Variants in INMT observed in about 807,000 individuals in gnomAD.
INMT encodes the protein indolethylamine N-methyltransferase.
A neutral mutation model predicts 11.5 loss-of-function variants in INMT; 11 were observed. The observed-to-expected ratio is 0.95, with a 90% confidence interval of 0.60 to 1.58. The LOEUF (loss-of-function observed/expected upper bound fraction) is 1.58, where lower values mean the gene tolerates loss of function less well. INMT is among the 40% of genes most tolerant of loss of function. INMT has a pLI of 0.00. For missense variants in INMT, 316 were observed against 336.1 expected, an observed-to-expected ratio of 0.94 and a Z score of 0.47; for synonymous variants, 155 against 142.9, an observed-to-expected ratio of 1.08 and a Z score of -0.60.
Position 30,754,636 on chromosome 7 carries a change from T to TATCC in INMT, c.362+737_362+740dup, listed in dbSNP as rs58315408. 0.073 allele frequency among the ~76,000 whole-genome samples: 10,598 copies of TATCC among 144,542 alleles called. 470 individuals carry two copies. The highest frequency in any genetic ancestry group is 0.17 in the South Asian group (734 of 4,262). The allele number at this position is 144,542 out of a possible 152,430, so 94.8% of individuals were successfully genotyped here. On this transcript the variant is annotated intron_variant, in intron 2 of 2. Coordinates refer to ENST00000013222, the MANE Select transcript of INMT (RefSeq NM_006774.5). This position sits in a 1 kb window ranked among gnomAD's most constrained non-coding sequence, Gnocchi z 4.9. ...ATCCACCCATCCATCCATATCCATC[T>TATCC]ATCCATCCATCCATCCATCCATCCA...
In INMT at chr7:30,753,773, C is replaced by T. The variant is rs757385464; in HGVS notation, c.197C>T (p.Pro66Leu). ...ACGCTGATTGACATTGGCTCAGGTC[C>T]TACCATCTACCAAGTTCTTGCTGCC... Reference protein sequence around the residue: ...GDTLIDIGSGPTIYQVLAACD... With the variant: ...GDTLIDIGSGLTIYQVLAACD... Residue 66 changes from proline to leucine, a missense_variant, in exon 2 of 3, where the codon CCT becomes CTT. Physicochemically the swap from Pro to Leu is moderately conservative, Grantham distance 98 (BLOSUM62 -3). Transcript: ENST00000013222. 29 of 1,614,194 alleles carry T rather than the reference C, an allele frequency of 1.8e-5. No homozygotes were observed. In the African/African-American group the frequency reaches 3.3e-4, roughly 19 times the overall value.
rs1333108808 is a variant in INMT at position 30,755,515 on chromosome 7, T to G, written c.456T>G (p.Ala152=). 6.2e-7 allele frequency: 1 copy of G among 1,608,654 alleles called. No individual in the cohort carries two copies. The highest frequency in any genetic ancestry group is 8.5e-7 in the Non-Finnish European group (1 of 1,179,986). The change falls in exon 3 of 3, where the codon GCT becomes GCG. Residue 152 remains alanine, a synonymous_variant. Transcript: ENST00000013222. ...DVHLGNPLAP[A]VLPLADCVLT... Reference sequence around the variant, plus strand: ...ACCTGGGCAACCCGCTGGCCCCGGCTGTGTTGCCTCTCGCCGACTGTGTGC... The same window carrying G: ...ACCTGGGCAACCCGCTGGCCCCGGCGGTGTTGCCTCTCGCCGACTGTGTGC...
In INMT at chr7:30,753,221, C is replaced by A. The variant is rs545819159; in HGVS notation, c.155-510C>A. Among the ~76,000 whole-genome samples the A allele has an allele frequency of 3.3e-5, 5 of 152,316 alleles. No individual in the cohort carries two copies. The South Asian group carries it at 8.3e-4, about 25-fold the overall frequency. ...ATCTCCTTAGCCCCGGCTTCCTATT[C>A]CTGTATGCTTTCACCCCTCCCTCCT... On this transcript the variant is annotated intron_variant, in intron 1 of 2. Transcript: ENST00000013222.
chr7:30,753,749 C>A lies in INMT; in HGVS notation c.173C>A (p.Thr58Lys), dbSNP rs149212813. ...TFGPGGLQGD[T>K]LIDIGSGPTI... ...CCCACAGGAGGCCTCCAAGGGGACA[C>A]GCTGATTGACATTGGCTCAGGTCCT... Residue 58 changes from threonine (T) to lysine (K), a missense_variant, in exon 2 of 3, where the codon ACG becomes AAG. Transcript: ENST00000013222. The A allele has an allele frequency of 9.9e-6, 16 of 1,614,154 alleles. No homozygotes were observed. The South Asian group carries it at 1.5e-4, about 16-fold the overall frequency.
rs774371694 is a variant in INMT, at chr7:30,755,591, G to A, written c.532G>A (p.Ala178Thr). ...CTGCTGTAGCCTTGATGCCTACCGC[G>A]CTGCCCTGTGCAACCTTGCCTCACT... ...CACCSLDAYR[A>T]ALCNLASLLK... The change falls in exon 3 of 3, where the codon GCT (alanine) becomes ACT (threonine). Residue 178 changes from alanine (A) to threonine (T), a missense_variant. Physicochemically the swap from Ala to Thr is moderately conservative, Grantham distance 58. Coordinates refer to ENST00000013222, the MANE Select transcript of INMT (RefSeq NM_006774.5). 7.4e-6 allele frequency: 12 copies of A among 1,613,922 alleles called. No individual in the cohort carries two copies. The highest frequency in any genetic ancestry group is 4.0e-5 in the African/African-American group (3 of 74,936).
chr7:30,755,632 C>T lies in INMT; in HGVS notation c.573C>T (p.Gly191=). Residue 191 remains glycine, a synonymous_variant, in exon 3 of 3, where the codon GGC becomes GGT. Transcript: ENST00000013222. ...TTGCCTCACTGCTCAAGCCGGGTGG[C>T]CACCTGGTGACCACTGTCACGCTTC... The part of the protein sequence containing the change: ...CNLASLLKPG[G]HLVTTVTLRL... 1 of 1,614,242 alleles carries T rather than the reference C, an allele frequency of 6.2e-7. No individual in the cohort carries two copies. Among genetic ancestry groups the T allele is most frequent in the Non-Finnish European group, 8.5e-7 (1 of 1,180,046 alleles).
rs756767805 is a variant in INMT, at chr7:30,755,393, C to G, written c.363-29C>G. ...GAGTTCCCTTCAGAACCTCAAAGGG[C>G]CTCCCCGACTCCCTCTCTCTCTCTG... On this transcript the variant is annotated intron_variant, in intron 2 of 2. Coordinates refer to ENST00000013222, the MANE Select transcript of INMT (RefSeq NM_006774.5). The G allele has an allele frequency of 3.9e-6, 6 of 1,525,718 alleles. No homozygotes were observed. The African/African-American group carries it at 4.1e-5, about 10-fold the overall frequency. The allele number at this position is 1,525,718 out of a possible 1,614,324, so 94.5% of individuals were successfully genotyped here. A position where few individuals can be genotyped will look rare whatever the true frequency, so the allele number is the denominator to read the frequency against.
intron 1 of INMT, 135 bp from the exon 2 acceptor site, chr7:30,753,596 A>G (rs1428649456): frequency 5.3e-6 from 4 of 758,130 alleles, no homozygotes; most frequent in African/African-American, 1.7e-5. Context: ...CTTGGCTTAC[A>G]GGGAGCTGCC....
chr7:30,755,383 C>T (rs1417734309), intron 2 of INMT, 39 bp from the exon 3 acceptor site: 2 of 1,501,048 alleles, frequency 1.3e-6, no homozygotes, highest in Non-Finnish European at 1.8e-6. Context: ...CCCTTCAGAA[C>T]CTCAAAGGGC....
chr7:30,752,880 C>T (rs761401723), intron 1 of INMT, among the ~76,000 whole-genome samples: 1 of 152,320 alleles, frequency 6.6e-6, no homozygotes, highest in Non-Finnish European at 1.5e-5. Flanking sequence ...CTGCCCTCCC[C>T]ATGGTGACCC....
chr7:30,755,430 G>GGGAGGAGAA lies in INMT; in HGVS notation c.382_390dup (p.Glu128_Lys130dup), dbSNP rs756386482. On this transcript the variant is annotated inframe_insertion, in exon 3 of 3. Coordinates refer to ENST00000013222, the MANE Select transcript of INMT (RefSeq NM_006774.5). ...CCTCTCTCTCTCTGCAGCGGCCGAT[G>GGGAGGAGAA]GGAGGAGAAGGAGGAGAAGCTGCGG... The GGGAGGAGAA allele has an allele frequency of 2.0e-5, 32 of 1,594,672 alleles. No homozygotes were observed. In the Admixed American group the frequency reaches 3.7e-4, roughly 18 times the overall value.
intron 1 of INMT, 27 bp downstream of exon 1, chr7:30,752,331 G>A (rs774269661): frequency 4.5e-5 from 71 of 1,594,490 alleles, no homozygotes; most frequent in Non-Finnish European, 5.5e-5. Context: ...CCTTCCCCTT[G>A]AGCCTCTCTC....
intron 1 of INMT, 102 bp from the exon 2 acceptor site, chr7:30,753,629 C>A: frequency 2.0e-6 from 2 of 1,022,000 alleles, no homozygotes; most frequent in Non-Finnish European, 3.0e-6. Flanking sequence ...CCACCAAGCA[C>A]GTTTGCCCCT....
rs1293633007 is a variant in INMT, at chr7:30,752,245, C to T, written c.95C>T (p.Ser32Leu). The change falls in exon 1 of 3, where the codon TCA becomes TTA. Residue 32 changes from serine to leucine, a missense_variant. Physicochemically the swap from Ser to Leu is moderately radical, Grantham distance 145. Coordinates refer to ENST00000013222, the MANE Select transcript of INMT (RefSeq NM_006774.5). Reference protein sequence around the residue: ...ATYYSFDGSPSPEAEMLKFNL... With the variant: ...ATYYSFDGSPLPEAEMLKFNL... ...TACTACAGCTTCGATGGCAGCCCCT[C>T]ACCCGAGGCCGAGATGCTGAAGTTT... 1.2e-6 allele frequency: 2 copies of T among 1,614,040 alleles called. No individual in the cohort carries two copies. Among genetic ancestry groups the T allele is most frequent in the Non-Finnish European group, 1.7e-6 (2 of 1,180,016 alleles).
chr7:30,755,340 T>C, intron 2 of INMT, 82 bp from the exon 3 acceptor site: 2 of 1,255,102 alleles, frequency 1.6e-6, no homozygotes, highest in Non-Finnish European at 1.1e-6. Flanking sequence ...CCAGAGATCA[T>C]CTCCATCTGC....
intron 2 of INMT, 103 bp from the exon 3 acceptor site, chr7:30,755,319 C>G (rs769544944): frequency 1.2e-5 from 13 of 1,068,474 alleles, no homozygotes; most frequent in Non-Finnish European, 1.7e-5. Flanking sequence ...GGACAGCAAT[C>G]CTTTGGGGAT....
chr7:30,755,930 T>G lies in INMT; in HGVS notation c.*79T>G, dbSNP rs566772555. The G allele has an allele frequency of 1.0e-4, 151 of 1,515,194 alleles. No individual in the cohort carries two copies. The highest frequency in any genetic ancestry group is 9.7e-4 in the Middle Eastern group (4 of 4,118). 93.9% of individuals were successfully genotyped at this position (1,515,194 alleles called of 1,614,324 possible). On this transcript the variant is annotated 3_prime_UTR_variant, in exon 3 of 3. Coordinates refer to ENST00000013222, the MANE Select transcript of INMT (RefSeq NM_006774.5). ...ATGCTAGAGAGGGGTGAGGAATGGA[T>G]ACTGTCTAACAGTCTCTGATTTCAA...
intron 1 of INMT, 78 bp from the exon 2 acceptor site, chr7:30,753,653 G>T (rs1786146573): frequency 3.0e-6 from 4 of 1,337,516 alleles, no homozygotes; most frequent in South Asian, 2.4e-5. Flanking sequence ...GTAAGACCAG[G>T]GTGTGTGTCC....
rs753838631 is a variant in INMT at position 30,754,592 on chromosome 7, T to C, written c.362+654T>C. Among the ~76,000 whole-genome samples the C allele has an allele frequency of 7.4e-5, 11 of 148,742 alleles. No homozygotes were observed. The highest frequency in any genetic ancestry group is 1.2e-4 in the Non-Finnish European group (8 of 67,390). On this transcript the variant is annotated intron_variant, in intron 2 of 2. Transcript: ENST00000013222. The surrounding 1 kb of genome is among the most constrained non-coding windows in gnomAD (Gnocchi z 4.9). Reference sequence around the variant, plus strand: ...CCATCCACCCATCCATCCATATCCATCTATACATCCATCAATCCATCCACC... The same window carrying C: ...CCATCCACCCATCCATCCATATCCACCTATACATCCATCAATCCATCCACC...
Sources: allele counts gnomAD v4.1 joint callset (sites outside exome capture counted in the v4.1 genomes callset), GRCh38; gene constraint gnomAD v4.1.1; non-coding constraint Gnocchi (gnomAD v3.1); transcripts MANE v1.5; gene names NCBI Gene and HGNC (gene_info 2026-07-23, HGNC 2026-07-21).